Variants in TBX15 observed in about 807,000 individuals in gnomAD.
TBX15 encodes T-box transcription factor 15, also known as T-box transcription factor TBX15.
TBX15 carries 18 observed loss-of-function variants against 53.9 expected under a neutral mutation model. That is an observed-to-expected ratio of 0.33 (90% confidence interval 0.23 to 0.49). The LOEUF (loss-of-function observed/expected upper bound fraction) is 0.49. Ranked by LOEUF, TBX15 falls within the 20% of genes least tolerant of loss-of-function variation. The pLI, the probability that TBX15 is intolerant of heterozygous loss-of-function variation, is 0.98. For synonymous variants in TBX15, 295 were observed against 278.0 expected, an observed-to-expected ratio of 1.06 and a Z score of -0.61; for missense variants, 692 against 749.5, an observed-to-expected ratio of 0.92 and a Z score of 0.90.
chr1:118,909,965 G>A (rs374476619), intron 6 of TBX15, among the ~76,000 whole-genome samples: 7 of 152,112 alleles, frequency 4.6e-5, no homozygotes, highest in South Asian at 4.1e-4. Context: ...TCTATGCTTC[G>A]GAGGACATAG....
chr1:118,888,167 C>T (rs911375049), intron 7 of TBX15, among the ~76,000 whole-genome samples: 1 of 152,092 alleles, frequency 6.6e-6, no homozygotes, highest in Non-Finnish European at 1.5e-5. Flanking sequence ...CTGGCCATGT[C>T]GGAAAGAGCC....
intron 1 of TBX15, among the ~76,000 whole-genome samples, chr1:118,962,465 C>A (rs566601533): frequency 3.3e-5 from 5 of 152,246 alleles, no homozygotes; most frequent in Admixed American, 1.3e-4. Flanking sequence ...ACCAACAACA[C>A]CCCCTTCTGT....
At chr1:118,905,118 A>G (rs943687557) in intron 6 of TBX15, among the ~76,000 whole-genome samples, 2 of 152,182 alleles carry the variant, frequency 1.3e-5, no homozygotes, top group Admixed American at 1.3e-4. Flanking sequence ...ATAATAGAAG[A>G]ATATACTCTT....
At chr1:118,953,673 A>AGTGTT (rs1656591007) in intron 1 of TBX15, among the ~76,000 whole-genome samples, 1 of 152,202 alleles carries the variant, frequency 6.6e-6, no homozygotes, top group Non-Finnish European at 1.5e-5. Flanking sequence ...CCCAGTACCA[A>AGTGTT]CACTTTATAC....
At chr1:118,938,891 T>C (rs752861964) in intron 1 of TBX15, among the ~76,000 whole-genome samples, 1 of 152,204 alleles carries the variant, frequency 6.6e-6, no homozygotes, top group African/African-American at 2.4e-5. Flanking sequence ...ATTCTGTATA[T>C]TAGGCATTTA....
In TBX15 at chr1:118,920,189, T is replaced by C. The variant is rs77799077; in HGVS notation, c.861+3247A>G. 2.6e-4 allele frequency among the ~76,000 whole-genome samples: 40 copies of C among 152,306 alleles called. 4 individuals are homozygous for C. In the East Asian group the frequency reaches 7.7e-3, roughly 29 times the overall value. ...TATTTGTAAAAGGTACAACTTTTGT[T>C]CTCAAAAAGCTCAAAATATCAAGAG... is the stretch of plus-strand genomic sequence containing the variant. On this transcript the variant is annotated intron_variant, in intron 5 of 7. Transcript: ENST00000369429.
At chr1:118,937,260 GAGA>G (rs995978312) in intron 1 of TBX15, among the ~76,000 whole-genome samples, 4 of 152,138 alleles carry the variant, frequency 2.6e-5, no homozygotes, top group African/African-American at 9.7e-5. Context: ...AAAGGTAGAG[GAGA>G]AGTAAGATAA....
At chr1:118,982,437 T>G (rs1460220324) in intron 1 of TBX15, among the ~76,000 whole-genome samples, 1 of 152,256 alleles carries the variant, frequency 6.6e-6, no homozygotes, top group Non-Finnish European at 1.5e-5. Flanking sequence ...AAGAGAGGAC[T>G]GGATGAACAC....
At chr1:118,893,529 G>GAAGGAAA (rs1571150621) in intron 7 of TBX15, among the ~76,000 whole-genome samples, 1 of 47,754 alleles carries the variant, frequency 2.1e-5, no homozygotes, top group African/African-American at 1.1e-4. Flanking sequence ...AAAGAAAGAA[G>GAAGGAAA]GAAAGAAAGA....
At chr1:118,941,566 A>G (rs1270801291) in intron 1 of TBX15, among the ~76,000 whole-genome samples, 2 of 152,154 alleles carry the variant, frequency 1.3e-5, no homozygotes, top group Non-Finnish European at 2.9e-5. Context: ...GCTGACAACA[A>G]TGTAACAACC....
chr1:118,953,271 T>C (rs544614415), intron 1 of TBX15, among the ~76,000 whole-genome samples: 44 of 152,288 alleles, frequency 2.9e-4, no homozygotes, highest in African/African-American at 1.0e-3. Flanking sequence ...TTAACCCTTA[T>C]AACACCTGAC....
chr1:118,962,153 TC>T (rs1656897682), intron 1 of TBX15, among the ~76,000 whole-genome samples: 1 of 152,202 alleles, frequency 6.6e-6, no homozygotes. Context: ...AAAGGCACAT[TC>T]ATTTTTTGTA....
At chr1:118,944,984 C>T (rs1458652966) in intron 1 of TBX15, among the ~76,000 whole-genome samples, 1 of 152,182 alleles carries the variant, frequency 6.6e-6, no homozygotes, top group Non-Finnish European at 1.5e-5. Context: ...TTGGAGGCCT[C>T]TTCTCAGAGT....
At chr1:118,971,066 G>C (rs1459808996) in intron 1 of TBX15, among the ~76,000 whole-genome samples, 1 of 152,006 alleles carries the variant, frequency 6.6e-6, no homozygotes, top group African/African-American at 2.4e-5. Flanking sequence ...TTTCTCCCTT[G>C]CTGGGCAGAA....
At chr1:118,986,368 T>C (rs758625472) in intron 1 of TBX15, among the ~76,000 whole-genome samples, 1 of 152,128 alleles carries the variant, frequency 6.6e-6, no homozygotes, top group African/African-American at 2.4e-5. Flanking sequence ...CATCGACTAA[T>C]AAAAATAATT....
chr1:118,939,407 C>CAAAAAAAA lies in TBX15; in HGVS notation c.206-7583_206-7576dup, dbSNP rs869094141. 4.0e-3 allele frequency among the ~76,000 whole-genome samples: 35 copies of CAAAAAAAA among 8,814 alleles called. 1 individual carries two copies. Among genetic ancestry groups the CAAAAAAAA allele is most frequent in the South Asian group, 0.013 (2 of 154 alleles). The allele number at this position is 8,814 out of a possible 152,430, so 5.8% of individuals were successfully genotyped here. A position where few individuals can be genotyped will look rare whatever the true frequency, so the allele number is the denominator to read the frequency against. Reference sequence around the variant, plus strand: ...AGGGCAACAGAATGAGATCTAGTCTCAAAAAAAAAAAAAAAAAAAAAAAAA... The same window carrying CAAAAAAAA: ...AGGGCAACAGAATGAGATCTAGTCTCAAAAAAAAAAAAAAAAAAAAAAAAAAAAAAAAA... On this transcript the variant is annotated intron_variant, in intron 1 of 7. Transcript: ENST00000369429.
intron 1 of TBX15, among the ~76,000 whole-genome samples, chr1:118,957,328 GC>G (rs2101669864): frequency 6.6e-6 from 1 of 152,280 alleles, no homozygotes; most frequent in Admixed American, 6.5e-5. Flanking sequence ...TTGGCCCACT[GC>G]TCTACCCCAG....
At chr1:118,894,655 G>A (rs923022492) in intron 7 of TBX15, among the ~76,000 whole-genome samples, 20 of 151,828 alleles carry the variant, frequency 1.3e-4, no homozygotes, top group African/African-American at 4.8e-4. Context: ...CTTAGTAATG[G>A]TTGAGCATGG....
chr1:118,959,829 C>G (rs182976581), intron 1 of TBX15, among the ~76,000 whole-genome samples: 15 of 152,218 alleles, frequency 9.9e-5, no homozygotes. Context: ...TGATTACAAC[C>G]AGAGTTAGGA....
Sources: allele counts gnomAD v4.1 joint callset (sites outside exome capture counted in the v4.1 genomes callset), GRCh38; gene constraint gnomAD v4.1.1; transcripts MANE v1.5; gene names NCBI Gene and HGNC (gene_info 2026-07-23, HGNC 2026-07-21).